TCAF1: variants seen among roughly 807,000 people sequenced by gnomAD.
TCAF1 encodes the protein TRPM8 channel associated factor 1.
TCAF1 carries 4 observed loss-of-function variants against 27.3 expected under a neutral mutation model. The ratio of observed to expected loss-of-function variants is 0.15; its 90% CI spans 0.07 to 0.34. The LOEUF (loss-of-function observed/expected upper bound fraction) is 0.34. Ranked by LOEUF, TCAF1 falls within the 10% of genes least tolerant of loss-of-function variation. The probability of loss-of-function intolerance (pLI) is 1.00; values close to 1 mark genes in which losing one functional copy is unlikely to be tolerated. For synonymous variants in TCAF1, 105 were observed against 167.1 expected, an observed-to-expected ratio of 0.63 and a Z score of 2.87; for missense variants, 257 against 425.8, an observed-to-expected ratio of 0.60 and a Z score of 3.49.
Position 143,876,396 on chromosome 7 carries a change from G to C in TCAF1, c.213C>G (p.Ala71=). The change falls in exon 2 of 9, where the codon GCC becomes GCG. Residue 71 remains alanine (A), a synonymous_variant. Coordinates refer to ENST00000479870, the MANE Select transcript of TCAF1 (RefSeq NM_014719.3). ...CGTTCAGGAGAAAGGGCGTGAGCTG[G>C]GCTTCCACCAAGTAGTCCTCATGGG... ...VVSHEDYLVE[A]QLTPFLLNAV... is the part of the protein sequence containing the mutation. 1.1e-5 allele frequency: 17 copies of C among 1,614,016 alleles called. No individual in the cohort carries two copies. The highest frequency in any genetic ancestry group is 1.4e-5 in the Non-Finnish European group (17 of 1,179,948).
In TCAF1 at chr7:143,882,619, C is replaced by T. The variant is rs571023186; in HGVS notation, c.-14-5997G>A. The T allele has an allele frequency of 1.9e-5, 19 of 985,420 alleles. No homozygotes were observed. In the Admixed American group the frequency reaches 4.3e-4, roughly 22 times the overall value. 61.0% of individuals were successfully genotyped at this position (985,420 alleles called of 1,614,324 possible). ...ACCCAGACCCACGGCGCACCCATCGCGCCCCGCACCCCCGCCCCGGCCTCC... is the reference window on the plus strand; with the variant it reads ...ACCCAGACCCACGGCGCACCCATCGTGCCCCGCACCCCCGCCCCGGCCTCC... On this transcript the variant is annotated intron_variant, in intron 1 of 8. Transcript: ENST00000479870.
At chr7:143,883,103 G>C (rs1813170791) in intron 1 of TCAF1, among the ~76,000 whole-genome samples, 1 of 152,214 alleles carries the variant, frequency 6.6e-6, no homozygotes, top group African/African-American at 2.4e-5. Flanking sequence ...ATTAGTAAGG[G>C]AAAGGCTGAG....
chr7:143,875,164 A>T (rs777347440), intron 2 of TCAF1, among the ~76,000 whole-genome samples: 3 of 152,150 alleles, frequency 2.0e-5, no homozygotes, highest in Non-Finnish European at 2.9e-5. Flanking sequence ...ATCAGTCAGA[A>T]ATATCAGTGT....
chr7:143,878,318 T>C (rs1812832923), intron 1 of TCAF1, among the ~76,000 whole-genome samples: 1 of 152,212 alleles, frequency 6.6e-6, no homozygotes, highest in South Asian at 2.1e-4. Context: ...ATGTATTGAT[T>C]CTGATTTAAT....
At chr7:143,889,589 T>A (rs1025472070) in intron 1 of TCAF1, among the ~76,000 whole-genome samples, 1 of 152,206 alleles carries the variant, frequency 6.6e-6, no homozygotes, top group Non-Finnish European at 1.5e-5. Context: ...TTTACCAGTA[T>A]GATCCTGAAG....
rs117918602 is a variant in TCAF1, at chr7:143,899,390, A to G, written c.-15+2571T>C. ...AAATAGAAAATAAGAATGGGGGCTT[A>G]AAACGAATTCATGCTTATATGGAAA... On this transcript the variant is annotated intron_variant, in intron 1 of 8. Coordinates refer to ENST00000479870, the MANE Select transcript of TCAF1 (RefSeq NM_014719.3). 4.5e-4 allele frequency among the ~76,000 whole-genome samples: 68 copies of G among 152,350 alleles called. No individual in the cohort carries two copies. The East Asian group carries it at 0.011, about 25-fold the overall frequency.
At chr7:143,859,893 T>C (rs1447711964) in intron 6 of TCAF1, among the ~76,000 whole-genome samples, 1 of 93,056 alleles carries the variant, frequency 1.1e-5, no homozygotes, top group Non-Finnish European at 2.0e-5. Context: ...ATATATAATA[T>C]ATATTATATA....
chr7:143,885,299 G>A lies in TCAF1; in HGVS notation c.-14-8677C>T, dbSNP rs909658000. 8.1e-6 allele frequency: 8 copies of A among 985,438 alleles called. No homozygotes were observed. The African/African-American group carries it at 1.2e-4, about 15-fold the overall frequency. The allele number at this position is 985,438 out of a possible 1,614,324, so 61.0% of individuals were successfully genotyped here. On this transcript the variant is annotated intron_variant, in intron 1 of 8. Coordinates refer to ENST00000479870, the MANE Select transcript of TCAF1 (RefSeq NM_014719.3). ...GAAGGCGCTGGGGCAGACGCCTTGG[G>A]AATTTGCAAATTGGTAGTGAAGTGG...
At chr7:143,882,269 C>G (rs1813087191) in intron 1 of TCAF1, among the ~76,000 whole-genome samples, 1 of 151,952 alleles carries the variant, frequency 6.6e-6, no homozygotes, top group Admixed American at 6.6e-5. Context: ...AGATAGAGCT[C>G]AGTCCCAAAG....
At chr7:143,888,213 A>G (rs924832558) in intron 1 of TCAF1, among the ~76,000 whole-genome samples, 5 of 152,230 alleles carry the variant, frequency 3.3e-5, no homozygotes, top group African/African-American at 1.2e-4. Context: ...AAATTCATCA[A>G]TGAAATGATA....
At chr7:143,888,685 G>T (rs540944093) in intron 1 of TCAF1, among the ~76,000 whole-genome samples, 8 of 152,328 alleles carry the variant, frequency 5.3e-5, no homozygotes, top group African/African-American at 1.9e-4. Context: ...ATTGGAAGAT[G>T]CACATGCATA....
intron 1 of TCAF1, among the ~76,000 whole-genome samples, chr7:143,888,837 C>T (rs1454497285): frequency 6.6e-6 from 1 of 152,008 alleles, no homozygotes; most frequent in African/African-American, 2.4e-5. Context: ...ACAGCCATTA[C>T]AAACAAGAGA....
At chr7:143,882,242 G>T in intron 1 of TCAF1, 1 of 228,710 alleles carries the variant, frequency 4.4e-6, no homozygotes, top group Non-Finnish European at 7.0e-6. Flanking sequence ...AAGTCTCCAG[G>T]GGCCAGTGCC....
chr7:143,898,308 A>C (rs1261109826), intron 1 of TCAF1, among the ~76,000 whole-genome samples: 2 of 152,134 alleles, frequency 1.3e-5, no homozygotes, highest in African/African-American at 4.8e-5. Flanking sequence ...GCCCTTTATT[A>C]CTTTTATTCA....
At chr7:143,882,781 G>T (rs1813143352) in intron 1 of TCAF1, 1 of 985,688 alleles carries the variant, frequency 1.0e-6, no homozygotes, top group Non-Finnish European at 1.2e-6. Context: ...AGCGGGCAGA[G>T]CCTGGCGCAG....
intron 1 of TCAF1, among the ~76,000 whole-genome samples, chr7:143,895,514 GA>G (rs1813832601): frequency 6.6e-6 from 1 of 151,740 alleles, no homozygotes; most frequent in Admixed American, 6.6e-5. Flanking sequence ...CTAGAGTAGG[GA>G]AAAACAAAGT....
At chr7:143,893,318 T>C (rs1414612307) in intron 1 of TCAF1, among the ~76,000 whole-genome samples, 1 of 152,098 alleles carries the variant, frequency 6.6e-6, no homozygotes, top group African/African-American at 2.4e-5. Flanking sequence ...ACAAGCATAG[T>C]TGAAGATTTA....
chr7:143,899,090 C>A (rs1477420140), intron 1 of TCAF1, among the ~76,000 whole-genome samples: 1 of 152,186 alleles, frequency 6.6e-6, no homozygotes, highest in Non-Finnish European at 1.5e-5. Flanking sequence ...TACTCAGTCT[C>A]AGGTATTCTG....
At chr7:143,879,960 G>C (rs1479524043) in intron 1 of TCAF1, among the ~76,000 whole-genome samples, 1 of 152,142 alleles carries the variant, frequency 6.6e-6, no homozygotes, top group Admixed American at 6.5e-5. Context: ...GTTGTTTTCT[G>C]AGCTAGTTCA....
Sources: allele counts gnomAD v4.1 joint callset (sites outside exome capture counted in the v4.1 genomes callset), GRCh38; gene constraint gnomAD v4.1.1; transcripts MANE v1.5; gene names NCBI Gene and HGNC (gene_info 2026-07-23, HGNC 2026-07-21).